CHUK: variants seen among roughly 807,000 people sequenced by gnomAD.
CHUK encodes inhibitor of nuclear factor kappa-B kinase subunit alpha.
In CHUK, 35 loss-of-function variants were observed where a neutral mutation model predicts 104.8. That is an observed-to-expected ratio of 0.33 (90% CI 0.26 to 0.44). CHUK has a LOEUF of 0.44. Ranked by LOEUF, CHUK falls within the 20% of genes least tolerant of loss-of-function variation. CHUK has a pLI of 1.00. For missense variants in CHUK, 663 were observed against 902.7 expected (o/e 0.73, Z 3.40); for synonymous variants, 276 against 291.9 (o/e 0.95, Z 0.56).
intron 17 of CHUK, 132 bp downstream of exon 17, chr10:100,194,293 G>T: frequency 1.9e-6 from 2 of 1,047,964 alleles, no homozygotes; most frequent in South Asian, 1.3e-5. Context: ...GATAGCTATG[G>T]CCAAGCTACC....
intron 13 of CHUK, among the ~76,000 whole-genome samples, chr10:100,202,723 T>A (rs1354382785): frequency 6.6e-6 from 1 of 152,088 alleles, no homozygotes; most frequent in Admixed American, 6.6e-5. Context: ...AATATATATA[T>A]TTATACCAGT....
chr10:100,226,093 TAAGAC>T (rs1271580416), intron 1 of CHUK, 76 bp from the exon 2 acceptor site: 12 of 878,964 alleles, frequency 1.4e-5, no homozygotes, highest in Non-Finnish European at 1.9e-5. Flanking sequence ...AGAAATAACT[TAAGAC>T]AACAAAACTT....
chr10:100,205,310 T>C, intron 11 of CHUK, 111 bp from the exon 12 acceptor site: 7 of 1,138,624 alleles, frequency 6.1e-6, no homozygotes, highest in Non-Finnish European at 9.3e-6. Context: ...AGGATTCCCA[T>C]AGATGCTAGA....
intron 19 of CHUK, chr10:100,193,044 A>C (rs1159419887): frequency 2.0e-6 from 1 of 496,412 alleles, no homozygotes; most frequent in Non-Finnish European, 3.6e-6. Context: ...CATTTGCTGA[A>C]CATTTATTTC....
At chr10:100,213,032 AAAAAAAG>A (rs1220878783) in intron 9 of CHUK, among the ~76,000 whole-genome samples, 1 of 151,986 alleles carries the variant, frequency 6.6e-6, no homozygotes, top group East Asian at 1.9e-4. Flanking sequence ...AGAAAAAGAA[AAAAAAAG>A]AAAAAAGAAA....
intron 8 of CHUK, 72 bp from the exon 9 acceptor site, chr10:100,218,202 T>G: frequency 7.4e-7 from 1 of 1,357,516 alleles, no homozygotes; most frequent in Non-Finnish European, 1.1e-6. Context: ...GTTAGAAAGG[T>G]AATTTTGCAG....
chr10:100,192,472 G>T, intron 19 of CHUK: 2 of 345,270 alleles, frequency 5.8e-6, no homozygotes, highest in Non-Finnish European at 8.2e-6. Flanking sequence ...ATATCAGCTT[G>T]CCTTCCTGCC....
intron 20 of CHUK, 94 bp downstream of exon 20, chr10:100,190,775 T>C: frequency 1.3e-6 from 1 of 796,750 alleles, no homozygotes; most frequent in Non-Finnish European, 2.3e-6. Context: ...ATTTCCCATA[T>C]GCATCCCAAA....
intron 10 of CHUK, among the ~76,000 whole-genome samples, chr10:100,207,949 GAACT>G (rs1476926826): frequency 6.6e-6 from 1 of 151,916 alleles, no homozygotes; most frequent in Non-Finnish European, 1.5e-5. Flanking sequence ...CCTTAAATGG[GAACT>G]AACATGATAA....
In CHUK at chr10:100,205,219, A is replaced by G. The variant is rs765871225; in HGVS notation, c.1232-20T>C. On this transcript the variant is annotated intron_variant, in intron 11 of 20. Transcript: ENST00000370397. ...CCTGTACTATATACAAGAAGATGAG[A>G]AAAAGGGCAAGGGAGGTTAGTTACT... is the stretch of plus-strand genomic sequence containing the variant. 7.1e-5 allele frequency: 114 copies of G among 1,612,474 alleles called. No individual in the cohort carries two copies. Among genetic ancestry groups the G allele is most frequent in the Middle Eastern group, 6.6e-4 (4 of 6,084 alleles).
At chr10:100,221,194 T>C (rs572386305) in intron 4 of CHUK, among the ~76,000 whole-genome samples, 119 of 152,236 alleles carry the variant, frequency 7.8e-4, no homozygotes, top group African/African-American at 2.7e-3. Flanking sequence ...CCCAGCACTT[T>C]GGGAGGCCGA....
downstream of CHUK, chr10:100,187,390 C>G (rs769361801): frequency 3.3e-5 from 5 of 152,090 alleles, no homozygotes; most frequent in Non-Finnish European, 5.9e-5. Context: ...AATACACTTA[C>G]CTGTATCATT....
intron 13 of CHUK, among the ~76,000 whole-genome samples, chr10:100,203,709 T>C (rs1315011687): frequency 6.6e-6 from 1 of 152,140 alleles, no homozygotes; most frequent in African/African-American, 2.4e-5. Context: ...GGAGATAAGC[T>C]TGGAGTCAAA....
chr10:100,224,530 G>A (rs778983734), intron 2 of CHUK, among the ~76,000 whole-genome samples: 8 of 151,992 alleles, frequency 5.3e-5, no homozygotes, highest in Admixed American at 1.3e-4. Context: ...TCCGCCTCCC[G>A]GGTTCAAGCA....
chr10:100,193,885 T>C, intron 18 of CHUK, 99 bp downstream of exon 18: 2 of 1,057,766 alleles, frequency 1.9e-6, no homozygotes, highest in Non-Finnish European at 1.5e-6. Context: ...AAAATATACA[T>C]GTCTTCAAGA....
At chr10:100,190,025 T>TC in intron 20 of CHUK, 1 of 146,756 alleles carries the variant, frequency 6.8e-6, no homozygotes, top group East Asian at 2.0e-4. Flanking sequence ...TTATCCTTTT[T>TC]TTTTTTTTTT....
intron 2 of CHUK, among the ~76,000 whole-genome samples, chr10:100,225,188 A>G (rs1846077982): frequency 6.6e-6 from 1 of 152,148 alleles, no homozygotes; most frequent in Non-Finnish European, 1.5e-5. Context: ...TACTATCACT[A>G]TACTGCACAA....
At chr10:100,194,556 C>T in intron 16 of CHUK, 35 bp from the exon 17 acceptor site, 1 of 1,404,686 alleles carries the variant, frequency 7.1e-7, no homozygotes, top group South Asian at 1.2e-5. Flanking sequence ...TATAACCTTT[C>T]TTCTGTAACA....
chr10:100,193,511 A>C, intron 18 of CHUK, 80 bp from the exon 19 acceptor site: 1 of 1,537,528 alleles, frequency 6.5e-7, no homozygotes. Flanking sequence ...CATATTCCTA[A>C]GACTTACATT....
Sources: allele counts gnomAD v4.1 joint callset (sites outside exome capture counted in the v4.1 genomes callset), GRCh38; gene constraint gnomAD v4.1.1; transcripts MANE v1.5; gene names NCBI Gene and HGNC (gene_info 2026-07-23, HGNC 2026-07-21).